Variants in TRIP12 observed in about 807,000 individuals in gnomAD.
The protein encoded by TRIP12 is E3 ubiquitin-protein ligase TRIP12.
TRIP12 carries 25 observed loss-of-function variants against 244.2 expected under a neutral mutation model. That is an observed-to-expected ratio of 0.10 (90% CI 0.07 to 0.14). TRIP12 has a LOEUF of 0.14. Ranked by LOEUF, TRIP12 falls within the 10% of genes least tolerant of loss-of-function variation. The probability of loss-of-function intolerance (pLI) is 1.00; values close to 1 mark genes in which losing one functional copy is unlikely to be tolerated. For missense variants in TRIP12, 1,677 were observed against 2,486.4 expected, an observed-to-expected ratio of 0.67 and a Z score of 6.92; for synonymous variants, 905 against 873.1, an observed-to-expected ratio of 1.04 and a Z score of -0.64.
intron 25 of TRIP12, among the ~76,000 whole-genome samples, 191 bp downstream of exon 25, chr2:229,796,399 TA>T (rs954312685): frequency 2.0e-5 from 3 of 152,224 alleles, no homozygotes; most frequent in Non-Finnish European, 4.4e-5. Flanking sequence ...TGGGCTTTGT[TA>T]AATCCCCATT....
At chr2:229,768,003 C>T (rs2032446340) in intron 41 of TRIP12, among the ~76,000 whole-genome samples, 1 of 152,180 alleles carries the variant, frequency 6.6e-6, no homozygotes, top group South Asian at 2.1e-4. Context: ...GTGGTTCACG[C>T]CCGTAATCCC....
At chr2:229,881,291 C>G (rs2064827562) in intron 1 of TRIP12, among the ~76,000 whole-genome samples, 1 of 152,186 alleles carries the variant, frequency 6.6e-6, no homozygotes, top group African/African-American at 2.4e-5. Flanking sequence ...ACTGGTAAAA[C>G]AAGCCAACAT....
chr2:229,811,165 G>C lies in TRIP12; in HGVS notation c.2026C>G (p.Arg676Gly). Reference sequence around the variant, plus strand: ...TCATGCTGGAAGTTGTCCACTAGGCGTGCAAAACAAAGGCAAGTGCTTTCT... The same window carrying C: ...TCATGCTGGAAGTTGTCCACTAGGCCTGCAAAACAAAGGCAAGTGCTTTCT... ...SVESTCLCFA[R>G]LVDNFQHEEN... Residue 676 changes from arginine (R) to glycine (G), a missense_variant, in exon 14 of 42, where the codon CGC (arginine) becomes GGC (glycine). By Grantham distance (125) the Arg-to-Gly change is moderately radical. This residue lies in a region of TRIP12 where 572 missense variants were observed against 867.8 expected (regional missense o/e 0.66). Coordinates refer to ENST00000675903, the MANE Select transcript of TRIP12 (RefSeq NM_001348323.3). 6.2e-7 allele frequency: 1 copy of C among 1,613,892 alleles called. No individual in the cohort carries two copies. The highest frequency in any genetic ancestry group is 8.5e-7 in the Non-Finnish European group (1 of 1,179,964).
Position 229,771,507 on chromosome 2 carries a change from T to C in TRIP12, c.5808+12A>G, listed in dbSNP as rs1485622430. On this transcript the variant is annotated intron_variant, in intron 39 of 41. Transcript: ENST00000675903. Reference sequence around the variant, plus strand: ...TAGGTATGACCATTTCTTTTAGATATAAGCTACTCACTTCCTCCGGGTAGA... The same window carrying C: ...TAGGTATGACCATTTCTTTTAGATACAAGCTACTCACTTCCTCCGGGTAGA... 3.7e-6 allele frequency: 6 copies of C among 1,600,350 alleles called. No homozygotes were observed. The highest frequency in any genetic ancestry group is 5.1e-6 in the Non-Finnish European group (6 of 1,167,738).
At chr2:229,916,442 G>A (rs1342953534) in intron 1 of TRIP12, among the ~76,000 whole-genome samples, 1 of 152,158 alleles carries the variant, frequency 6.6e-6, no homozygotes, top group Non-Finnish European at 1.5e-5. Flanking sequence ...TGTGATCCCA[G>A]TATTTGGGAG....
intron 38 of TRIP12, 121 bp from the exon 39 acceptor site, chr2:229,771,753 T>C (rs2034419039): frequency 3.1e-6 from 2 of 642,352 alleles, no homozygotes; most frequent in Non-Finnish European, 5.3e-6. Context: ...AACAAGTTAT[T>C]AAGACTTTAA....
chr2:229,917,405 A>AC (rs2075676492), intron 1 of TRIP12, among the ~76,000 whole-genome samples: 1 of 146,070 alleles, frequency 6.8e-6, no homozygotes, highest in Non-Finnish European at 1.5e-5. Context: ...AAAAAAAAAA[A>AC]AAAAAAAAAA....
intron 8 of TRIP12, among the ~76,000 whole-genome samples, chr2:229,824,120 G>A (rs2050837857): frequency 6.6e-6 from 1 of 152,180 alleles, no homozygotes; most frequent in African/African-American, 2.4e-5. Flanking sequence ...GGTAAAAAGT[G>A]TTAATAAACT....
chr2:229,839,678 C>CAA lies in TRIP12; in HGVS notation c.1133+1142_1133+1143dup, dbSNP rs1228213948. ...TGGGCGACAGAGTGAGACTCCATCT[C>CAA]AAAAAAAAAAAAAAGAAAAAAGTGG... On this transcript the variant is annotated intron_variant, in intron 5 of 41. Transcript: ENST00000675903. Among the ~76,000 whole-genome samples the CAA allele has an allele frequency of 6.3e-5, 6 of 95,006 alleles. No individual in the cohort carries two copies. The East Asian group carries it at 1.2e-3, about 18-fold the overall frequency. 62.3% of individuals were successfully genotyped at this position (95,006 alleles called of 152,430 possible).
At chr2:229,838,562 A>C (rs932825864) in intron 5 of TRIP12, among the ~76,000 whole-genome samples, 1 of 152,224 alleles carries the variant, frequency 6.6e-6, no homozygotes, top group African/African-American at 2.4e-5. Context: ...AGACGGTTGC[A>C]GAGAACAGCA....
intron 41 of TRIP12, 150 bp from the exon 42 acceptor site, chr2:229,767,900 G>T: frequency 1.3e-6 from 1 of 749,910 alleles, no homozygotes; most frequent in Non-Finnish European, 2.1e-6. Context: ...TAAGTGCAAG[G>T]AACCTGCTTT....
At position 229,859,421 on chromosome 2, in the gene TRIP12, A is replaced by G; in HGVS notation, c.378T>C (p.Asn126=). 6.2e-7 allele frequency: 1 copy of G among 1,614,086 alleles called. No individual in the cohort carries two copies. Among genetic ancestry groups the G allele is most frequent in the Middle Eastern group, 1.6e-4 (1 of 6,062 alleles). The change falls in exon 4 of 42, where the codon AAT becomes AAC. Residue 126 remains asparagine, a synonymous_variant. Transcript: ENST00000675903. Reference sequence around the variant, plus strand: ...TTGGTTTTTTTGCAGAGCTAGGAGAATTGGTCCTGTTGTAGTCTGGACTAG... The same window carrying G: ...TTGGTTTTTTTGCAGAGCTAGGAGAGTTGGTCCTGTTGTAGTCTGGACTAG... ...RSASPDYNRT[N]SPSSAKKPKA... is the part of the protein sequence containing the mutation.
At chr2:229,877,401 G>C (rs889789668) in intron 2 of TRIP12, among the ~76,000 whole-genome samples, 2 of 152,038 alleles carry the variant, frequency 1.3e-5, no homozygotes, top group Non-Finnish European at 2.9e-5. Flanking sequence ...AAGGTGGCAG[G>C]CGCCTGTAAT....
intron 1 of TRIP12, among the ~76,000 whole-genome samples, chr2:229,901,572 G>A (rs954983493): frequency 6.7e-5 from 10 of 148,594 alleles, no homozygotes; most frequent in African/African-American, 1.2e-4. Flanking sequence ...GCAGTGAGCC[G>A]AGATTGCACC....
At position 229,859,169 on chromosome 2, in the gene TRIP12, T is replaced by C. The variant is rs369194163; in HGVS notation, c.630A>G (p.Ala210=). The part of the protein sequence containing the change: ...KSGSGSESTG[A]EERSAKPTKL... ...TGGTAGGTTTCGCAGATCTCTCTTCTGCACCAGTTGATTCAGACCCGGAGC... is the reference window on the plus strand; with the variant it reads ...TGGTAGGTTTCGCAGATCTCTCTTCCGCACCAGTTGATTCAGACCCGGAGC... The change falls in exon 4 of 42, where the codon GCA becomes GCG. Residue 210 remains alanine (A), a synonymous_variant. Transcript: ENST00000675903. 6.2e-7 allele frequency: 1 copy of C among 1,614,182 alleles called. No homozygotes were observed. The highest frequency in any genetic ancestry group is 8.5e-7 in the Non-Finnish European group (1 of 1,180,036).
chr2:229,816,804 A>G (rs1230728226), intron 9 of TRIP12, among the ~76,000 whole-genome samples: 1 of 152,230 alleles, frequency 6.6e-6, no homozygotes, highest in Admixed American at 6.5e-5. Flanking sequence ...TGAACAAACA[A>G]CAATAACAAT....
intron 1 of TRIP12, among the ~76,000 whole-genome samples, chr2:229,920,465 G>A (rs1056314432): frequency 2.6e-5 from 4 of 151,822 alleles, no homozygotes; most frequent in African/African-American, 9.7e-5. Flanking sequence ...AACCGTACCC[G>A]CCTCCCCCCG....
chr2:229,837,553 G>A (rs377206393), intron 5 of TRIP12, among the ~76,000 whole-genome samples: 2 of 152,066 alleles, frequency 1.3e-5, no homozygotes, highest in East Asian at 3.9e-4. Context: ...AAAATTGCTC[G>A]AACCCGGGAG....
chr2:229,802,050 A>G (rs1049666481), intron 21 of TRIP12, among the ~76,000 whole-genome samples: 1 of 152,202 alleles, frequency 6.6e-6, no homozygotes, highest in Non-Finnish European at 1.5e-5. Flanking sequence ...GAATAAAACT[A>G]ATCTCTTACA....
Sources: allele counts gnomAD v4.1 joint callset (sites outside exome capture counted in the v4.1 genomes callset), GRCh38; gene constraint gnomAD v4.1.1; regional missense constraint gnomAD v4.1.1; transcripts MANE v1.5; gene names NCBI Gene and HGNC (gene_info 2026-07-23, HGNC 2026-07-21).